ARHGAP21: variants seen among roughly 807,000 people sequenced by gnomAD.
ARHGAP21 encodes the protein Rho GTPase activating protein 21.
Under a neutral mutation model 164.6 loss-of-function variants are expected in ARHGAP21, and 38 were observed. The ratio of observed to expected loss-of-function variants is 0.23; its 90% CI spans 0.18 to 0.30. The LOEUF is 0.30. Ranked by LOEUF, ARHGAP21 falls within the 10% of genes least tolerant of loss-of-function variation. The pLI, the probability that ARHGAP21 is intolerant of heterozygous loss-of-function variation, is 1.00. For synonymous variants in ARHGAP21, 766 were observed against 857.9 expected (o/e 0.89, Z 1.87); for missense variants, 1,822 against 2,370.7 (o/e 0.77, Z 4.81).
At chr10:24,684,726 C>T (rs1353344659) in intron 2 of ARHGAP21, among the ~76,000 whole-genome samples, 3 of 152,196 alleles carry the variant, frequency 2.0e-5, no homozygotes, top group Admixed American at 6.5e-5. Flanking sequence ...GCAACCTCCA[C>T]CTCCTGGGTT....
intron 2 of ARHGAP21, among the ~76,000 whole-genome samples, chr10:24,707,031 C>T (rs1844298760): frequency 6.6e-6 from 1 of 152,190 alleles, no homozygotes; most frequent in South Asian, 2.1e-4. Context: ...CCAAGGGTAC[C>T]AAAGGGTACT....
chr10:24,596,270 A>C (rs1167924309), intron 17 of ARHGAP21: 1 of 454,016 alleles, frequency 2.2e-6, no homozygotes, highest in Non-Finnish European at 3.8e-6. Context: ...CCCCAGAGAG[A>C]TAACATTCTA....
intron 9 of ARHGAP21, among the ~76,000 whole-genome samples, chr10:24,613,894 T>C (rs2077366877): frequency 6.6e-6 from 1 of 152,202 alleles, no homozygotes; most frequent in African/African-American, 2.4e-5. Context: ...TACAATTACT[T>C]GGCTGAATCT....
intron 4 of ARHGAP21, among the ~76,000 whole-genome samples, chr10:24,663,813 G>A (rs186431193): frequency 2.2e-4 from 33 of 152,340 alleles, no homozygotes; most frequent in African/African-American, 7.7e-4. Context: ...ACAGGCGTGA[G>A]CCACTGTGCC....
In ARHGAP21 at chr10:24,600,843, G is replaced by C. The variant is rs745352875; in HGVS notation, c.2935C>G (p.Gln979Glu). 1.2e-6 allele frequency: 2 copies of C among 1,614,028 alleles called. No individual in the cohort carries two copies. The highest frequency in any genetic ancestry group is 1.7e-6 in the Non-Finnish European group (2 of 1,179,996). Residue 979 changes from glutamine to glutamate, a missense_variant, in exon 14 of 26, where the codon CAG (glutamine) becomes GAG (glutamate). By Grantham distance (29) the Gln-to-Glu change is conservative. Coordinates refer to ENST00000396432, the MANE Select transcript of ARHGAP21 (RefSeq NM_020824.4). ...SLYLYKDKREQTTPSEEEQPI... is the reference protein window; with the variant it reads ...SLYLYKDKREETTPSEEEQPI... ...TGCTCTTCCTCAGACGGAGTCGTCT[G>C]CTCTCTTTTATCTTTGTACAGGTAA...
rs774514377 is a variant in ARHGAP21 at position 24,621,002 on chromosome 10, G to T, written c.893C>A (p.Thr298Asn). The change falls in exon 9 of 26, where the codon ACT becomes AAT. Residue 298 changes from threonine (T) to asparagine (N), a missense_variant. Thr to Asn is a moderately conservative substitution (Grantham distance 65, BLOSUM62 0). Around this residue, in one of 5 missense-constraint regions of ARHGAP21, gnomAD observed 1,090 missense variants for 1,378.9 expected, o/e 0.79. Transcript: ENST00000396432. Reference sequence around the variant, plus strand: ...ACTCACGCCATACCTCACTTCTTCAGTTCTATGTGAAGGACCTGTATGGTT... The same window carrying T: ...ACTCACGCCATACCTCACTTCTTCATTTCTATGTGAAGGACCTGTATGGTT... ...RNNHTGPSHR[T>N]EEVRYGVSEQ... The T allele has an allele frequency of 2.5e-6, 4 of 1,613,976 alleles. No homozygotes were observed. Among genetic ancestry groups the T allele is most frequent in the Admixed American group, 3.3e-5 (2 of 60,010 alleles).
intron 16 of ARHGAP21, 33 bp downstream of exon 16, chr10:24,597,414 T>C (rs1349231693): frequency 1.3e-6 from 2 of 1,598,818 alleles, no homozygotes; most frequent in African/African-American, 1.4e-5. Context: ...TTTAAATCAT[T>C]ATATTTATTT....
In ARHGAP21 at chr10:24,722,246, C is replaced by A. The variant is rs1846004898; in HGVS notation, c.-347G>T. On this transcript the variant is annotated 5_prime_UTR_variant, in exon 2 of 26. Transcript: ENST00000396432. ...GAGTCCTGGAAAAATCCGAATGGGT[C>A]GTGAAGGTTCGAGTGTCAGCTCCTA... 1 of 340,452 alleles carries A rather than the reference C, an allele frequency of 2.9e-6. No homozygotes were observed. Among genetic ancestry groups the A allele is most frequent in the Non-Finnish European group, 5.7e-6 (1 of 175,580 alleles). The allele number at this position is 340,452 out of a possible 1,614,324, so 21.1% of individuals were successfully genotyped here.
intron 2 of ARHGAP21, 143 bp from the exon 3 acceptor site, chr10:24,670,540 C>A: frequency 2.3e-6 from 1 of 441,120 alleles, no homozygotes. Flanking sequence ...ATGCAATTAT[C>A]AAAAACTAAA....
intron 23 of ARHGAP21, 53 bp downstream of exon 23, chr10:24,591,589 T>C (rs2076334032): frequency 6.3e-7 from 1 of 1,595,232 alleles, no homozygotes; most frequent in Non-Finnish European, 8.6e-7. Context: ...CGCGCCAGGA[T>C]CTTGTGTCCC....
chr10:24,689,389 A>C (rs1593294768), intron 2 of ARHGAP21, among the ~76,000 whole-genome samples: 1 of 152,192 alleles, frequency 6.6e-6, no homozygotes, highest in East Asian at 1.9e-4. Flanking sequence ...CCCCGTCTAG[A>C]GAAAATTATG....
chr10:24,622,919 A>G (rs1168610686), intron 7 of ARHGAP21, 157 bp from the exon 8 acceptor site: 3 of 610,226 alleles, frequency 4.9e-6, no homozygotes, highest in Admixed American at 7.1e-5. Flanking sequence ...AGCATAAAGA[A>G]TAACTCCAGT....
intron 2 of ARHGAP21, among the ~76,000 whole-genome samples, chr10:24,714,796 AG>A: frequency 6.6e-6 from 1 of 152,102 alleles, no homozygotes; most frequent in Non-Finnish European, 1.5e-5. Flanking sequence ...GCACTTTGGG[AG>A]GCCACAGTAG....
At chr10:24,618,020 A>T (rs1834158115) in intron 9 of ARHGAP21, among the ~76,000 whole-genome samples, 1 of 143,552 alleles carries the variant, frequency 7.0e-6, no homozygotes, top group South Asian at 2.3e-4. Context: ...ACGAGGCTGA[A>T]TGAGGCAAAC....
At chr10:24,703,439 T>C (rs1843906157) in intron 2 of ARHGAP21, among the ~76,000 whole-genome samples, 1 of 152,136 alleles carries the variant, frequency 6.6e-6, no homozygotes, top group African/African-American at 2.4e-5. Flanking sequence ...CAACAATCCC[T>C]GATGTTGGTA....
At chr10:24,588,456 G>A (rs533797371) in intron 25 of ARHGAP21, among the ~76,000 whole-genome samples, 1 of 116,090 alleles carries the variant, frequency 8.6e-6, no homozygotes, top group African/African-American at 2.8e-5. Context: ...AAGATAAAAA[G>A]CTGGGCAAAA....
chr10:24,612,588 C>T (rs1041702768), intron 9 of ARHGAP21, among the ~76,000 whole-genome samples: 4 of 152,220 alleles, frequency 2.6e-5, no homozygotes, highest in African/African-American at 4.8e-5. Flanking sequence ...GGTGTGGTGG[C>T]TCACGCCTGT....
intron 4 of ARHGAP21, among the ~76,000 whole-genome samples, chr10:24,638,673 G>C (rs1836647164): frequency 6.6e-6 from 1 of 152,094 alleles, no homozygotes; most frequent in Admixed American, 6.5e-5. Flanking sequence ...GAACACATGG[G>C]ACATGTTTCA....
At chr10:24,624,748 T>C (rs892564584) in intron 7 of ARHGAP21, among the ~76,000 whole-genome samples, 5 of 152,274 alleles carry the variant, frequency 3.3e-5, no homozygotes, top group South Asian at 4.1e-4. Context: ...TTTTGAATTT[T>C]AGTTAGGCTT....
Sources: gnomAD v4.1 joint callset for allele counts (sites outside exome capture counted in the v4.1 genomes callset) on GRCh38, gnomAD v4.1.1 for gene constraint, gnomAD v4.1.1 regional missense constraint, MANE v1.5 for transcripts, NCBI Gene and HGNC (gene_info 2026-07-23, HGNC 2026-07-21) for gene names.